The following NLGN1 variants were observed in gnomAD, a reference collection of about 807,000 sequenced individuals.
NLGN1 encodes neuroligin 1.
Under a neutral mutation model 65.5 loss-of-function variants are expected in NLGN1, and 12 were observed. That is an observed-to-expected ratio of 0.18 (90% confidence interval 0.12 to 0.30). The LOEUF (loss-of-function observed/expected upper bound fraction) is 0.30. Among genes scored for constraint, NLGN1 ranks in the 10% least tolerant of loss-of-function variants. The pLI is 1.00. For synonymous variants in NLGN1, 350 were observed against 359.5 expected, an observed-to-expected ratio of 0.97 and a Z score of 0.30; for missense variants, 750 against 1,007.1, an observed-to-expected ratio of 0.74 and a Z score of 3.46.
intron 4 of NLGN1, among the ~76,000 whole-genome samples, chr3:173,863,567 C>A (rs1324022563): frequency 6.6e-6 from 1 of 152,126 alleles, no homozygotes; most frequent in Non-Finnish European, 1.5e-5. Flanking sequence ...TTCTGAATAT[C>A]TTTAATAGAC....
At chr3:174,196,621 T>G (rs1413001888) in intron 4 of NLGN1, among the ~76,000 whole-genome samples, 1 of 152,186 alleles carries the variant, frequency 6.6e-6, no homozygotes, top group African/African-American at 2.4e-5. Context: ...TGACCCTTGT[T>G]TCTGTAACAT....
chr3:173,988,271 A>G (rs916281674), intron 4 of NLGN1, among the ~76,000 whole-genome samples: 1 of 152,182 alleles, frequency 6.6e-6, no homozygotes, highest in Non-Finnish European at 1.5e-5. Context: ...ACTTGTCTTT[A>G]TATAAGAAGA....
chr3:173,903,556 T>C (rs1023356532), intron 4 of NLGN1, among the ~76,000 whole-genome samples: 4 of 152,154 alleles, frequency 2.6e-5, no homozygotes, highest in Admixed American at 2.0e-4. Context: ...TATTTGTTAC[T>C]AGAGGTGACA....
chr3:173,793,486 G>A (rs547837530), intron 3 of NLGN1, among the ~76,000 whole-genome samples: 2 of 152,128 alleles, frequency 1.3e-5, no homozygotes, highest in Non-Finnish European at 2.9e-5. Flanking sequence ...TGAGATGTTG[G>A]TGAGACATCC....
chr3:174,144,924 A>G (rs965777353), intron 4 of NLGN1, among the ~76,000 whole-genome samples: 3 of 152,018 alleles, frequency 2.0e-5, no homozygotes, highest in Non-Finnish European at 2.9e-5. Context: ...CCATTTGTCA[A>G]TTTTGGCCTT....
chr3:174,085,656 G>A (rs1743085484), intron 4 of NLGN1, among the ~76,000 whole-genome samples: 1 of 151,818 alleles, frequency 6.6e-6, no homozygotes, highest in African/African-American at 2.4e-5. Context: ...GAGTAAGAAA[G>A]GCTACCCTTA....
intron 2 of NLGN1, among the ~76,000 whole-genome samples, chr3:173,536,689 T>A (rs1004234930): frequency 1.3e-5 from 2 of 152,238 alleles, no homozygotes; most frequent in Non-Finnish European, 2.9e-5. Context: ...TAGCTAGCTG[T>A]CTTTTCATGA....
Position 173,713,526 on chromosome 3 carries a change from A to G in NLGN1, c.494-94154A>G, listed in dbSNP as rs556392204. ...GGTGCTTAGGCCACTGATAATTGCT[A>G]TTCTTTTGAAAATATATATGTAAAT... On this transcript the variant is annotated intron_variant, in intron 3 of 6. Coordinates refer to ENST00000457714, the Ensembl canonical transcript of NLGN1. Among the ~76,000 whole-genome samples the G allele has an allele frequency of 4.9e-4, 74 of 152,198 alleles. 1 individual carries two copies. The highest frequency in any genetic ancestry group is 4.9e-3 in the Admixed American group (74 of 15,254).
chr3:174,104,132 G>A (rs1411574213), intron 4 of NLGN1, among the ~76,000 whole-genome samples: 6 of 151,748 alleles, frequency 4.0e-5, no homozygotes, highest in African/African-American at 7.3e-5. Context: ...GTTTCAAATC[G>A]TCCTTCTTTA....
intron 2 of NLGN1, among the ~76,000 whole-genome samples, chr3:173,589,026 G>A (rs1486951909): frequency 2.0e-5 from 3 of 152,152 alleles, no homozygotes; most frequent in African/African-American, 4.8e-5. Context: ...TGCAAGTTAA[G>A]TTACTACTAC....
chr3:173,688,742 C>T (rs925529189), intron 3 of NLGN1, among the ~76,000 whole-genome samples: 1 of 152,116 alleles, frequency 6.6e-6, no homozygotes, highest in South Asian at 2.1e-4. Context: ...TGTTTTCAAG[C>T]TTAGGTATAA....
chr3:173,936,981 TTGAACA>T (rs1216104146), intron 4 of NLGN1, among the ~76,000 whole-genome samples: 10 of 152,078 alleles, frequency 6.6e-5, no homozygotes, highest in Admixed American at 2.0e-4. Flanking sequence ...TAAAACTCAT[TTGAACA>T]CAGGGATATA....
At chr3:173,917,962 A>G (rs904805048) in intron 4 of NLGN1, among the ~76,000 whole-genome samples, 2 of 151,962 alleles carry the variant, frequency 1.3e-5, no homozygotes, top group African/African-American at 2.4e-5. Context: ...CAGTTTGTCC[A>G]TTTGTAAGTT....
intron 4 of NLGN1, among the ~76,000 whole-genome samples, chr3:174,080,227 C>A (rs887089050): frequency 6.6e-6 from 1 of 152,100 alleles, no homozygotes; most frequent in Admixed American, 6.6e-5. Context: ...TAAATTAACC[C>A]TTTCCTATAG....
intron 4 of NLGN1, among the ~76,000 whole-genome samples, chr3:173,820,652 A>T (rs1720105661): frequency 6.6e-6 from 1 of 152,214 alleles, no homozygotes; most frequent in Non-Finnish European, 1.5e-5. Context: ...CAATTAAAAC[A>T]ATATACTGAA....
intron 4 of NLGN1, among the ~76,000 whole-genome samples, chr3:174,248,633 T>A (rs1424413404): frequency 6.6e-6 from 1 of 152,096 alleles, no homozygotes; most frequent in Non-Finnish European, 1.5e-5. Context: ...TGGTGGCACG[T>A]GCCTTTAGTC....
At chr3:173,795,409 A>G (rs1214302696) in intron 3 of NLGN1, among the ~76,000 whole-genome samples, 7 of 152,182 alleles carry the variant, frequency 4.6e-5, no homozygotes, top group Non-Finnish European at 8.8e-5. Context: ...ATATCTGGTC[A>G]TATAATCAAT....
intron 2 of NLGN1, among the ~76,000 whole-genome samples, chr3:173,554,788 G>A (rs2149275022): frequency 6.6e-6 from 1 of 152,256 alleles, no homozygotes. Context: ...GGGTAGATGT[G>A]TAACTACAGA....
chr3:173,685,658 G>A (rs758778201), intron 3 of NLGN1: 9 of 985,270 alleles, frequency 9.1e-6, no homozygotes, highest in African/African-American at 8.7e-5. Context: ...TTGTTAGGGC[G>A]GAAAGATAGC....
Sources: allele counts gnomAD v4.1 joint callset (sites outside exome capture counted in the v4.1 genomes callset), GRCh38; gene constraint gnomAD v4.1.1; transcripts MANE v1.5; gene names NCBI Gene and HGNC (gene_info 2026-07-23, HGNC 2026-07-21).